Variants in LHFPL3 observed in about 807,000 individuals in gnomAD.
LHFPL3 encodes LHFPL tetraspan subfamily member 3 protein.
In LHFPL3, 5 loss-of-function variants were observed where a neutral mutation model predicts 19.3. The ratio of observed to expected loss-of-function variants is 0.26; its 90% CI spans 0.14 to 0.54. The LOEUF (loss-of-function observed/expected upper bound fraction) is 0.54, where lower values mean the gene tolerates loss of function less well. Ranked by LOEUF, LHFPL3 falls within the 20% of genes least tolerant of loss-of-function variation. LHFPL3 has a pLI of 0.94. For missense variants in LHFPL3, 249 were observed against 307.4 expected, an observed-to-expected ratio of 0.81 and a Z score of 1.42; for synonymous variants, 133 against 126.2, an observed-to-expected ratio of 1.05 and a Z score of -0.36.
chr7:104,344,936 GTCTC>G (rs1371910091), intron 1 of LHFPL3, among the ~76,000 whole-genome samples: 1 of 152,036 alleles, frequency 6.6e-6, no homozygotes, highest in Non-Finnish European at 1.5e-5. Flanking sequence ...AAGTTGAGAA[GTCTC>G]TCTCTTTTTT....
chr7:104,482,952 G>A (rs754790145), intron 1 of LHFPL3, among the ~76,000 whole-genome samples: 4 of 152,186 alleles, frequency 2.6e-5, no homozygotes, highest in South Asian at 2.1e-4. Context: ...CCGTATTGAC[G>A]TACGTGGGAT....
intron 2 of LHFPL3, among the ~76,000 whole-genome samples, chr7:104,884,227 C>A (rs1406079781): frequency 2.0e-5 from 3 of 152,196 alleles, no homozygotes; most frequent in African/African-American, 7.2e-5. Flanking sequence ...GAGAAGGCAT[C>A]TGCTTCCATT....
At chr7:104,402,070 A>T (rs1392556941) in intron 1 of LHFPL3, among the ~76,000 whole-genome samples, 1 of 151,704 alleles carries the variant, frequency 6.6e-6, no homozygotes, top group African/African-American at 2.4e-5. Context: ...GGGTATAATC[A>T]GAAATAACCG....
intron 1 of LHFPL3, among the ~76,000 whole-genome samples, chr7:104,490,379 G>T (rs958828332): frequency 2.0e-5 from 3 of 152,030 alleles, no homozygotes; most frequent in African/African-American, 7.2e-5. Flanking sequence ...TCTTCCTAAT[G>T]CAGCTAATCA....
intron 2 of LHFPL3, among the ~76,000 whole-genome samples, chr7:104,856,325 A>G (rs1173128099): frequency 7.4e-6 from 1 of 135,890 alleles, no homozygotes; most frequent in African/African-American, 2.8e-5. Context: ...ATCTTGGCTC[A>G]CCACAACCTC....
At chr7:104,531,694 T>G (rs879265807) in intron 1 of LHFPL3, among the ~76,000 whole-genome samples, 1 of 152,136 alleles carries the variant, frequency 6.6e-6, no homozygotes, top group Non-Finnish European at 1.5e-5. Flanking sequence ...ATATAGTGAG[T>G]ATGAACAGAG....
intron 2 of LHFPL3, among the ~76,000 whole-genome samples, chr7:104,761,006 G>A (rs1311563490): frequency 6.6e-6 from 1 of 151,670 alleles, no homozygotes; most frequent in Non-Finnish European, 1.5e-5. Flanking sequence ...ACCCAGGTGT[G>A]CTAACTGGAC....
chr7:104,825,081 G>A (rs904575014), intron 2 of LHFPL3, among the ~76,000 whole-genome samples: 1 of 150,616 alleles, frequency 6.6e-6, no homozygotes, highest in Non-Finnish European at 1.5e-5. Flanking sequence ...ACAGGGGAGT[G>A]GGGGAGAGAG....
At chr7:104,749,308 A>G (rs1169414312) in intron 2 of LHFPL3, among the ~76,000 whole-genome samples, 2 of 152,306 alleles carry the variant, frequency 1.3e-5, no homozygotes, top group African/African-American at 2.4e-5. Flanking sequence ...TTTCTGTAGC[A>G]CATAAAATAT....
chr7:104,724,960 C>T (rs1793563992), intron 1 of LHFPL3, among the ~76,000 whole-genome samples: 1 of 152,160 alleles, frequency 6.6e-6, no homozygotes, highest in Admixed American at 6.5e-5. Context: ...CCAGTCAACT[C>T]TCTTGCATTA....
At chr7:104,818,980 TA>T (rs939087394) in intron 2 of LHFPL3, among the ~76,000 whole-genome samples, 1 of 152,176 alleles carries the variant, frequency 6.6e-6, no homozygotes, top group African/African-American at 2.4e-5. Flanking sequence ...AAACTGTCTA[TA>T]AAACAAATAG....
Position 104,748,819 on chromosome 7 carries a change from T to G in LHFPL3, c.682+11908T>G, listed in dbSNP as rs931139906. 2.6e-5 allele frequency among the ~76,000 whole-genome samples: 4 copies of G among 152,218 alleles called. No individual in the cohort carries two copies. In the South Asian group the frequency reaches 8.3e-4, roughly 32 times the overall value. Reference sequence around the variant, plus strand: ...TCTATACTTTGTCTCTGTGTCTTTTTCTTTCCTAAGTCTCTCGTTCTACCT... The same window carrying G: ...TCTATACTTTGTCTCTGTGTCTTTTGCTTTCCTAAGTCTCTCGTTCTACCT... On this transcript the variant is annotated intron_variant, in intron 2 of 2. Transcript: ENST00000424859.
chr7:104,870,300 A>C (rs1455764327), intron 2 of LHFPL3, among the ~76,000 whole-genome samples: 1 of 152,222 alleles, frequency 6.6e-6, no homozygotes, highest in Non-Finnish European at 1.5e-5. Context: ...AGCAACACAT[A>C]GCAATGGCTA....
chr7:104,409,804 G>C (rs560342741), intron 1 of LHFPL3, among the ~76,000 whole-genome samples: 1 of 152,080 alleles, frequency 6.6e-6, no homozygotes, highest in Admixed American at 6.5e-5. Context: ...TTGTGTGTCT[G>C]ACAATGTCTC....
At chr7:104,590,110 C>G (rs1790677744) in intron 1 of LHFPL3, among the ~76,000 whole-genome samples, 1 of 152,154 alleles carries the variant, frequency 6.6e-6, no homozygotes, top group African/African-American at 2.4e-5. Context: ...GTCTCTATCT[C>G]CTTCAGTTCT....
At chr7:104,502,489 C>T (rs777077618) in intron 1 of LHFPL3, among the ~76,000 whole-genome samples, 1 of 152,204 alleles carries the variant, frequency 6.6e-6, no homozygotes, top group Non-Finnish European at 1.5e-5. Flanking sequence ...GAAATGGCAT[C>T]TACATGTTGG....
At chr7:104,849,567 T>C (rs746804455) in intron 2 of LHFPL3, among the ~76,000 whole-genome samples, 2 of 152,230 alleles carry the variant, frequency 1.3e-5, no homozygotes, top group African/African-American at 2.4e-5. Context: ...TATAAATTTA[T>C]TTAACATGTA....
chr7:104,865,577 A>G (rs542380218), intron 2 of LHFPL3, among the ~76,000 whole-genome samples: 1 of 152,388 alleles, frequency 6.6e-6, no homozygotes, highest in South Asian at 2.1e-4. Context: ...GGACTGTGTG[A>G]GAAGACCAAA....
At chr7:104,899,220 G>T (rs537705730) in intron 2 of LHFPL3, among the ~76,000 whole-genome samples, 3 of 152,052 alleles carry the variant, frequency 2.0e-5, no homozygotes, top group African/African-American at 7.2e-5. Flanking sequence ...AGGTTGGAAA[G>T]GAAGTACCCC....
Sources: gnomAD v4.1 joint callset for allele counts (sites outside exome capture counted in the v4.1 genomes callset) on GRCh38, gnomAD v4.1.1 for gene constraint, MANE v1.5 for transcripts, NCBI Gene and HGNC (gene_info 2026-07-23, HGNC 2026-07-21) for gene names.